The following VAV1 variants were observed in gnomAD, a reference collection of about 807,000 sequenced individuals.
VAV1 encodes vav guanine nucleotide exchange factor 1, also known as proto-oncogene vav.
A neutral mutation model predicts 128.1 loss-of-function variants in VAV1; 33 were observed. The ratio of observed to expected loss-of-function variants is 0.26; its 90% confidence interval spans 0.20 to 0.34. The LOEUF (loss-of-function observed/expected upper bound fraction) is 0.34, where lower values mean the gene tolerates loss of function less well. Among genes scored for constraint, VAV1 ranks in the 10% least tolerant of loss-of-function variants. The pLI is 1.00. For synonymous variants in VAV1, 394 were observed against 409.8 expected (o/e 0.96, Z 0.47); for missense variants, 715 against 1,093.7 (o/e 0.65, Z 4.88).
intron 1 of VAV1, among the ~76,000 whole-genome samples, chr19:6,779,646 G>A (rs1970720858): frequency 6.7e-6 from 1 of 149,262 alleles, no homozygotes; most frequent in Admixed American, 6.7e-5. Flanking sequence ...GGATTGCTTG[G>A]GTACAGGAGT....
chr19:6,841,116 T>A (rs1040161195), intron 21 of VAV1, among the ~76,000 whole-genome samples: 2 of 152,022 alleles, frequency 1.3e-5, no homozygotes, highest in Admixed American at 1.3e-4. Context: ...GGTTTCATCA[T>A]GTTGCCCAGG....
At chr19:6,835,010 G>A (rs935924384) in intron 19 of VAV1, among the ~76,000 whole-genome samples, 10 of 151,560 alleles carry the variant, frequency 6.6e-5, no homozygotes, top group African/African-American at 1.2e-4. Flanking sequence ...GCCACTGCAC[G>A]CCAACCTGGG....
intron 24 of VAV1, among the ~76,000 whole-genome samples, chr19:6,852,737 G>A (rs576265630): frequency 0.035 from 5,119 of 148,068 alleles, 346 homozygotes; most frequent in African/African-American, 0.13. Flanking sequence ...AAAAAAAAAA[G>A]AAAGAAAGAA....
At chr19:6,825,475 AC>A in intron 8 of VAV1, 69 bp downstream of exon 8, 14 of 1,365,736 alleles carry the variant, frequency 1.0e-5, no homozygotes, top group Non-Finnish European at 1.4e-5. Context: ...CATCTGAGAG[AC>A]CTTACCCTCA....
chr19:6,828,048 GT>G lies in VAV1; in HGVS notation c.928-25del. 1 of 1,609,940 alleles carries G rather than the reference GT, an allele frequency of 6.2e-7. No individual in the cohort carries two copies. The stretch of plus-strand genomic sequence containing the variant: ...CTGGCTGTTTCTGGGACCTGCCTCA[GT>G]TTCCCCATTGTTCTCTGATTCCCCA... On this transcript the variant is annotated intron_variant, in intron 9 of 26. Coordinates refer to ENST00000602142, the MANE Select transcript of VAV1 (RefSeq NM_005428.4). This position sits in a 1 kb window ranked among gnomAD's most constrained non-coding sequence, Gnocchi z 4.5.
intron 24 of VAV1, among the ~76,000 whole-genome samples, chr19:6,852,590 G>A (rs868091941): frequency 4.2e-4 from 64 of 151,772 alleles, no homozygotes; most frequent in Non-Finnish European, 1.2e-4. Context: ...GCGTAGTGGC[G>A]GGCGCCTGTA....
chr19:6,822,599 G>C lies in VAV1; in HGVS notation c.654+85G>C. On this transcript the variant is annotated intron_variant, in intron 6 of 26. Coordinates refer to ENST00000602142, the MANE Select transcript of VAV1 (RefSeq NM_005428.4). The surrounding 1 kb of genome is among the most constrained non-coding windows in gnomAD (Gnocchi z 5.9). The stretch of plus-strand genomic sequence containing the variant: ...CACGTCCACCTGTCCGGCCGCTCTG[G>C]GCAGCTGAGGATTTCCTGCTCCCAT... The C allele has an allele frequency of 1.6e-6, 2 of 1,222,668 alleles. No homozygotes were observed. Among genetic ancestry groups the C allele is most frequent in the South Asian group, 2.7e-5 (2 of 73,256 alleles). The allele number at this position is 1,222,668 out of a possible 1,614,324, so 75.7% of individuals were successfully genotyped here. A position where few individuals can be genotyped will look rare whatever the true frequency, so the allele number is the denominator to read the frequency against.
At chr19:6,856,997 A>C (rs1450714372) in intron 26 of VAV1, 57 bp from the exon 27 acceptor site, 2 of 1,535,902 alleles carry the variant, frequency 1.3e-6, no homozygotes, top group Non-Finnish European at 1.8e-6. Flanking sequence ...TGGTGTGTGG[A>C]GGGGCAGTAG....
At chr19:6,817,558 C>A (rs1252389218) in intron 1 of VAV1, among the ~76,000 whole-genome samples, 1 of 152,068 alleles carries the variant, frequency 6.6e-6, no homozygotes, top group Non-Finnish European at 1.5e-5. Flanking sequence ...AGAACGATGG[C>A]CCTCCCCTCT....
chr19:6,815,467 G>A (rs113008857), intron 1 of VAV1, among the ~76,000 whole-genome samples: 59 of 152,190 alleles, frequency 3.9e-4, no homozygotes, highest in African/African-American at 1.4e-3. Flanking sequence ...TTTGTAGCCC[G>A]TGAGCTTAGT....
At chr19:6,816,604 C>T (rs373867130) in intron 1 of VAV1, 40 of 151,542 alleles carry the variant, frequency 2.6e-4, no homozygotes, top group African/African-American at 9.2e-4. Flanking sequence ...AGCTCCTCCC[C>T]TAACTTACTC....
chr19:6,824,439 G>A (rs919607416), intron 6 of VAV1, among the ~76,000 whole-genome samples: 8 of 152,130 alleles, frequency 5.3e-5, no homozygotes, highest in Non-Finnish European at 8.8e-5. Flanking sequence ...TTTGCTGAGC[G>A]TAGTGTTTTC....
At chr19:6,779,176 T>C (rs113259764) in intron 1 of VAV1, among the ~76,000 whole-genome samples, 31 of 149,992 alleles carry the variant, frequency 2.1e-4, no homozygotes, top group South Asian at 4.3e-4. Context: ...CTCAGCCTCC[T>C]GAGTAGCTGG....
At chr19:6,784,127 G>A (rs1599619206) in intron 1 of VAV1, 4 of 484,642 alleles carry the variant, frequency 8.3e-6, no homozygotes, top group African/African-American at 1.9e-5. Context: ...GGTGGTGCAC[G>A]CCTATAGTCT....
chr19:6,795,936 G>A (rs1971123032), intron 1 of VAV1, among the ~76,000 whole-genome samples: 1 of 152,140 alleles, frequency 6.6e-6, no homozygotes, highest in Non-Finnish European at 1.5e-5. Context: ...GCCCGTCTCA[G>A]CCTCCCAAAG....
intron 1 of VAV1, among the ~76,000 whole-genome samples, chr19:6,817,323 C>T (rs1469365746): frequency 6.6e-6 from 1 of 151,836 alleles, no homozygotes; most frequent in East Asian, 1.9e-4. Flanking sequence ...CTCTGCCTTC[C>T]AAAGTGCTGC....
rs1970662805 is a variant in VAV1, at chr19:6,777,181, C to T, written c.204+4170C>T. On this transcript the variant is annotated intron_variant, in intron 1 of 26. Coordinates refer to ENST00000602142, the MANE Select transcript of VAV1 (RefSeq NM_005428.4). The surrounding 1 kb of genome is among the most constrained non-coding windows in gnomAD (Gnocchi z 4.4). ...CTCATCCACCCGTCTACTCATCTAT[C>T]CATTCATCTACCCATCCATCCATTC... Among the ~76,000 whole-genome samples the T allele has an allele frequency of 6.6e-6, 1 of 151,962 alleles. No individual in the cohort carries two copies. The highest frequency in any genetic ancestry group is 2.1e-4 in the South Asian group (1 of 4,814).
At chr19:6,849,828 G>T (rs1972621377) in intron 23 of VAV1, among the ~76,000 whole-genome samples, 1 of 152,066 alleles carries the variant, frequency 6.6e-6, no homozygotes, top group African/African-American at 2.4e-5. Context: ...TTCTTATCCA[G>T]TCCACTGTTG....
chr19:6,843,529 G>C (rs1296979090), intron 22 of VAV1, among the ~76,000 whole-genome samples: 1 of 152,136 alleles, frequency 6.6e-6, no homozygotes, highest in East Asian at 1.9e-4. Flanking sequence ...GCATATAGGG[G>C]TGGAGGTTTA....
Sources: gnomAD v4.1 joint callset for allele counts (sites outside exome capture counted in the v4.1 genomes callset) on GRCh38, gnomAD v4.1.1 for gene constraint, Gnocchi (gnomAD v3.1) non-coding constraint, MANE v1.5 for transcripts, NCBI Gene and HGNC (gene_info 2026-07-23, HGNC 2026-07-21) for gene names.